The following LPP variants were observed in gnomAD, a reference collection of about 807,000 sequenced individuals.
LPP encodes LIM domain containing preferred translocation partner in lipoma.
In LPP, 38 loss-of-function variants were observed where a neutral mutation model predicts 60.4. That is an observed-to-expected ratio of 0.63 (90% CI 0.49 to 0.83). LPP has a LOEUF of 0.83. Ranked by LOEUF, LPP falls within the 40% of genes least tolerant of loss-of-function variation. LPP has a pLI of 0.00. For missense variants in LPP, 902 were observed against 783.6 expected (o/e 1.15, Z -1.80); for synonymous variants, 328 against 290.8 (o/e 1.13, Z -1.30).
At chr3:188,859,018 G>A (rs1034678887) in intron 9 of LPP, among the ~76,000 whole-genome samples, 3 of 150,570 alleles carry the variant, frequency 2.0e-5, no homozygotes, top group African/African-American at 7.4e-5. Flanking sequence ...GAACCTCGGA[G>A]GCAGAGGTTG....
intron 9 of LPP, among the ~76,000 whole-genome samples, chr3:188,793,435 G>A (rs1744425011): frequency 1.3e-5 from 2 of 152,028 alleles, no homozygotes; most frequent in Admixed American, 6.5e-5. Context: ...TCCCACCTCA[G>A]CCTCCCAAAC....
intron 1 of LPP, among the ~76,000 whole-genome samples, chr3:188,193,877 G>C (rs1286994255): frequency 6.6e-6 from 1 of 152,158 alleles, no homozygotes; most frequent in East Asian, 1.9e-4. Context: ...GGCTCGATTA[G>C]TCAGTGGATA....
rs76148691 is a variant in LPP, at chr3:188,850,102, T to C, written c.1411-16098T>C. 9.1e-3 allele frequency among the ~76,000 whole-genome samples: 1,379 copies of C among 152,318 alleles called. 18 individuals are homozygous for C. Among genetic ancestry groups the C allele is most frequent in the African/African-American group, 0.032 (1,312 of 41,566 alleles). ...GAGGTTGTTAGTTTTTGAATGAAGT[T>C]TTTAGTTTTTATCTGCCTGAGTGAG... On this transcript the variant is annotated intron_variant, in intron 9 of 11. Transcript: ENST00000617246.
intron 1 of LPP, among the ~76,000 whole-genome samples, chr3:188,215,134 C>T (rs1394636012): frequency 1.3e-5 from 2 of 151,954 alleles, no homozygotes; most frequent in African/African-American, 2.4e-5. Flanking sequence ...GATGAATCCC[C>T]ACCTCTACTA....
intron 3 of LPP, among the ~76,000 whole-genome samples, chr3:188,393,520 G>T (rs1049905425): frequency 3.3e-5 from 5 of 152,110 alleles, no homozygotes; most frequent in Non-Finnish European, 7.4e-5. Flanking sequence ...CATTAACACA[G>T]TGTTTTCAGT....
intron 4 of LPP, among the ~76,000 whole-genome samples, chr3:188,480,421 G>A (rs969897000): frequency 6.6e-6 from 1 of 152,180 alleles, no homozygotes; most frequent in Admixed American, 6.5e-5. Flanking sequence ...TCCATTTCCT[G>A]CTCTGTATTT....
At chr3:188,177,681 C>A (rs944869221) in intron 1 of LPP, among the ~76,000 whole-genome samples, 3 of 152,060 alleles carry the variant, frequency 2.0e-5, no homozygotes, top group African/African-American at 7.2e-5. Context: ...GCTGATGTTA[C>A]CTATTCTGAC....
At chr3:188,364,013 G>A (rs928627601) in intron 3 of LPP, among the ~76,000 whole-genome samples, 5 of 151,980 alleles carry the variant, frequency 3.3e-5, no homozygotes, top group African/African-American at 9.7e-5. Flanking sequence ...TGTCTTGGTC[G>A]AGGTTTGAAG....
chr3:188,509,543 G>C (rs1814579228), intron 5 of LPP, among the ~76,000 whole-genome samples: 1 of 152,068 alleles, frequency 6.6e-6, no homozygotes, highest in Admixed American at 6.6e-5. Context: ...GTCCCATAAA[G>C]AAAAACATTC....
intron 6 of LPP, among the ~76,000 whole-genome samples, chr3:188,599,945 A>G (rs2151200429): frequency 6.6e-6 from 1 of 152,180 alleles, no homozygotes; most frequent in East Asian, 1.9e-4. Flanking sequence ...GATTTCAGCT[A>G]CTATTTATCC....
At chr3:188,155,884 G>C (rs1396187688) in intron 1 of LPP, among the ~76,000 whole-genome samples, 1 of 152,106 alleles carries the variant, frequency 6.6e-6, no homozygotes, top group South Asian at 2.1e-4. Flanking sequence ...GTGTGGTGGC[G>C]GGGAACTGTA....
At chr3:188,467,478 C>A (rs897614342) in intron 4 of LPP, among the ~76,000 whole-genome samples, 1 of 151,926 alleles carries the variant, frequency 6.6e-6, no homozygotes, top group Non-Finnish European at 1.5e-5. Flanking sequence ...TTGTGGTGAG[C>A]AGAATAATAG....
At chr3:188,244,894 A>G (rs1000194048) in intron 2 of LPP, among the ~76,000 whole-genome samples, 9 of 152,296 alleles carry the variant, frequency 5.9e-5, no homozygotes, top group Non-Finnish European at 1.0e-4. Context: ...TAGATTTTCA[A>G]TGAATCTGAG....
rs184578115 is a variant in LPP, at chr3:188,309,196, T to G, written c.-66-32467T>G. Among the ~76,000 whole-genome samples the G allele has an allele frequency of 2.3e-3, 344 of 152,088 alleles. 3 individuals carry two copies. In the South Asian group the frequency reaches 0.025, roughly 11 times the overall value. On this transcript the variant is annotated intron_variant, in intron 2 of 11. Coordinates refer to ENST00000617246, the MANE Select transcript of LPP (RefSeq NM_001375462.1). ...TGACCATGCTCAGCTAATTTTTGTA[T>G]TTTTAGCAGAGATGGGGTTTCACCA...
chr3:188,848,409 G>A (rs141627666), intron 9 of LPP, among the ~76,000 whole-genome samples: 1 of 152,288 alleles, frequency 6.6e-6, no homozygotes, highest in Non-Finnish European at 1.5e-5. Context: ...TCGCACTCTT[G>A]CTGATGCAGA....
chr3:188,668,376 G>A (rs1257720876), intron 7 of LPP, among the ~76,000 whole-genome samples: 1 of 152,082 alleles, frequency 6.6e-6, no homozygotes, highest in African/African-American at 2.4e-5. Context: ...GGTGTTGGGA[G>A]GTGTTTATAT....
intron 3 of LPP, among the ~76,000 whole-genome samples, chr3:188,361,431 CTCCCCTCCCTCCCTCCT>C (rs1411207313): frequency 2.8e-5 from 4 of 140,746 alleles, no homozygotes; most frequent in African/African-American, 1.0e-4. Flanking sequence ...CCTTCCTTCC[CTCCCCTCCCTCCCTCCT>C]TCCCCTCCCT....
intron 4 of LPP, among the ~76,000 whole-genome samples, chr3:188,431,439 T>C (rs975750912): frequency 4.6e-5 from 7 of 152,046 alleles, no homozygotes; most frequent in African/African-American, 1.4e-4. Flanking sequence ...CGAGACAGAG[T>C]ATAAAGAGCC....
chr3:188,524,452 GA>G (rs913588068), intron 5 of LPP, among the ~76,000 whole-genome samples: 1 of 151,864 alleles, frequency 6.6e-6, no homozygotes, highest in African/African-American at 2.4e-5. Flanking sequence ...TGTGACCTGA[GA>G]AAAATCATCT....
Sources: allele counts gnomAD v4.1 joint callset (sites outside exome capture counted in the v4.1 genomes callset), GRCh38; gene constraint gnomAD v4.1.1; transcripts MANE v1.5; gene names NCBI Gene and HGNC (gene_info 2026-07-23, HGNC 2026-07-21).